SLC16A1: variants seen among roughly 807,000 people sequenced by gnomAD.
SLC16A1 encodes solute carrier family 16 member 1, also known as monocarboxylate transporter 1.
SLC16A1 carries 11 observed loss-of-function variants against 32.2 expected under a neutral mutation model. The observed-to-expected ratio is 0.34, with a 90% CI of 0.21 to 0.56. The LOEUF (loss-of-function observed/expected upper bound fraction) is 0.56, where lower values mean the gene tolerates loss of function less well. Ranked by LOEUF, SLC16A1 falls within the 20% of genes least tolerant of loss-of-function variation. The pLI is 0.87. For missense variants in SLC16A1, 435 were observed against 615.0 expected (o/e 0.71, Z 3.10); for synonymous variants, 231 against 226.8 (o/e 1.02, Z -0.17).
At chr1:112,926,236 A>C (rs1349542727) in intron 2 of SLC16A1, among the ~76,000 whole-genome samples, 1 of 152,230 alleles carries the variant, frequency 6.6e-6, no homozygotes, top group African/African-American at 2.4e-5. Context: ...TTAAGAAGGA[A>C]TTAAAGCTTT....
At chr1:112,936,105 A>G (rs1054354992) in intron 1 of SLC16A1, 16 of 152,220 alleles carry the variant, frequency 1.1e-4, no homozygotes, top group African/African-American at 3.1e-4. Flanking sequence ...CAAACCAATC[A>G]AGTAAAAGAG....
At chr1:112,919,197 ATT>A (rs887257990) in intron 3 of SLC16A1, among the ~76,000 whole-genome samples, 1 of 145,830 alleles carries the variant, frequency 6.9e-6, no homozygotes, top group African/African-American at 2.5e-5. Flanking sequence ...TGCCCGGCTC[ATT>A]TTTTTTTTGT....
intron 1 of SLC16A1, chr1:112,936,038 G>A (rs186878193): frequency 4.7e-4 from 72 of 152,224 alleles, no homozygotes; most frequent in African/African-American, 1.6e-3. Flanking sequence ...TTAAGGTGAT[G>A]TAACTTAAGA....
At chr1:112,948,396 T>C (rs1649775436) in intron 1 of SLC16A1, among the ~76,000 whole-genome samples, 1 of 152,238 alleles carries the variant, frequency 6.6e-6, no homozygotes, top group Non-Finnish European at 1.5e-5. Context: ...ATAGCCTTTT[T>C]AATTGCTAAC....
intron 1 of SLC16A1, among the ~76,000 whole-genome samples, chr1:112,948,670 A>C (rs559699810): frequency 1.6e-3 from 240 of 151,842 alleles, no homozygotes; most frequent in Non-Finnish European, 2.9e-3. Context: ...TGCCCAGCTG[A>C]TTTTTATATT....
chr1:112,933,021 A>G lies in SLC16A1; in HGVS notation c.-44-3669T>C, dbSNP rs1649189390. Among the ~76,000 whole-genome samples, 3 of 152,160 alleles carry G rather than the reference A, an allele frequency of 2.0e-5. No individual in the cohort carries two copies. In the East Asian group the frequency reaches 5.8e-4, roughly 29 times the overall value. On this transcript the variant is annotated intron_variant, in intron 1 of 4. Transcript: ENST00000369626. ...TTTTTAAATGCTATTGTAAATGGTA[A>G]ACTATATAGAAATAAATCTCACAAA...
intron 1 of SLC16A1, among the ~76,000 whole-genome samples, chr1:112,955,073 C>G (rs1650027046): frequency 6.6e-6 from 1 of 152,018 alleles, no homozygotes; most frequent in African/African-American, 2.4e-5. Flanking sequence ...AATAAAGTAG[C>G]GTGTAAACAT....
chr1:112,913,613 C>T lies in SLC16A1; in HGVS notation c.*278G>A, dbSNP rs1312258943. On this transcript the variant is annotated 3_prime_UTR_variant, in exon 5 of 5. Transcript: ENST00000369626. The stretch of plus-strand genomic sequence containing the variant: ...GTTCTAAAGACTAAAACTTAAGGCA[C>T]ATATTATAATCTTTATGACACTATT... 1 of 444,998 alleles carries T rather than the reference C, an allele frequency of 2.2e-6. No homozygotes were observed. Among genetic ancestry groups the T allele is most frequent in the Non-Finnish European group, 4.1e-6 (1 of 245,472 alleles). 27.6% of individuals were successfully genotyped at this position (444,998 alleles called of 1,614,324 possible).
chr1:112,943,625 T>C (rs1002345485), intron 1 of SLC16A1, among the ~76,000 whole-genome samples: 6 of 146,300 alleles, frequency 4.1e-5, no homozygotes, highest in African/African-American at 1.5e-4. Context: ...TCGTCTCTAC[T>C]AAAAATACAA....
chr1:112,943,185 T>A (rs1213689492), intron 1 of SLC16A1, among the ~76,000 whole-genome samples: 2 of 152,202 alleles, frequency 1.3e-5, no homozygotes, highest in African/African-American at 4.8e-5. Context: ...AGTACCCACA[T>A]CAGTACAACT....
chr1:112,946,790 T>C (rs1221524262), intron 1 of SLC16A1, among the ~76,000 whole-genome samples: 2 of 152,224 alleles, frequency 1.3e-5, no homozygotes, highest in African/African-American at 4.8e-5. Flanking sequence ...TGACCTCAGA[T>C]GATCCACCCA....
intron 2 of SLC16A1, chr1:112,923,346 C>T (rs866286087): frequency 3.3e-5 from 17 of 510,732 alleles, no homozygotes; most frequent in East Asian, 1.1e-4. Context: ...GCCACGCGGC[C>T]GCCAACTCCA....
At chr1:112,945,534 G>A (rs1345456518) in intron 1 of SLC16A1, among the ~76,000 whole-genome samples, 4 of 151,458 alleles carry the variant, frequency 2.6e-5, no homozygotes, top group African/African-American at 4.9e-5. Context: ...AATTAGCTGG[G>A]CATGGTGGCG....
chr1:112,915,292 C>T (rs149399431), intron 4 of SLC16A1, among the ~76,000 whole-genome samples: 1 of 152,056 alleles, frequency 6.6e-6, no homozygotes, highest in African/African-American at 2.4e-5. Flanking sequence ...CTGGGATTTG[C>T]AGGATAGGAA....
At chr1:112,914,445 A>T (rs1648432898) in intron 4 of SLC16A1, among the ~76,000 whole-genome samples, 1 of 152,232 alleles carries the variant, frequency 6.6e-6, no homozygotes, top group South Asian at 2.1e-4. Flanking sequence ...GATCACCTAG[A>T]GTCAATTCTC....
chr1:112,950,320 T>TG (rs1268981047), intron 1 of SLC16A1, among the ~76,000 whole-genome samples: 2 of 152,196 alleles, frequency 1.3e-5, no homozygotes, highest in Non-Finnish European at 2.9e-5. Context: ...ACAAAGGCCC[T>TG]GTTACCTCCA....
chr1:112,936,113 G>A (rs1223552816), intron 1 of SLC16A1: 1 of 152,118 alleles, frequency 6.6e-6, no homozygotes, highest in African/African-American at 2.4e-5. Flanking sequence ...TCAAGTAAAA[G>A]AGATTTCTGT....
Position 112,949,960 on chromosome 1 carries a change from C to A in SLC16A1, c.-45+6075G>T, listed in dbSNP as rs543195750. On this transcript the variant is annotated intron_variant, in intron 1 of 4. Coordinates refer to ENST00000369626, the MANE Select transcript of SLC16A1 (RefSeq NM_003051.4). ...GATCCAGCAGTGGGTCTAATAATCA[C>A]ACTAATTTTGAGGTAGTGATAAGCT... Among the ~76,000 whole-genome samples, 27 of 152,308 alleles carry A rather than the reference C, an allele frequency of 1.8e-4. 1 individual carries two copies. The highest frequency in any genetic ancestry group is 5.8e-4 in the African/African-American group (24 of 41,570).
At chr1:112,924,347 C>T in intron 2 of SLC16A1, 2 of 1,301,772 alleles carry the variant, frequency 1.5e-6, no homozygotes, top group East Asian at 2.3e-5. Flanking sequence ...TCCACTAGGC[C>T]CATCGTTTCT....
Sources: allele counts gnomAD v4.1 joint callset (sites outside exome capture counted in the v4.1 genomes callset), GRCh38; gene constraint gnomAD v4.1.1; transcripts MANE v1.5; gene names NCBI Gene and HGNC (gene_info 2026-07-23, HGNC 2026-07-21).